PSPC1: variants seen among roughly 807,000 people sequenced by gnomAD.
PSPC1 encodes paraspeckle component 1, also known as paraspeckle protein 1.
Under a neutral mutation model 51.6 loss-of-function variants are expected in PSPC1, and 14 were observed. That is an observed-to-expected ratio of 0.27 (90% CI 0.18 to 0.42). The LOEUF (loss-of-function observed/expected upper bound fraction) is 0.42. PSPC1 is among the 10% of genes least tolerant of loss of function. The pLI, the probability that PSPC1 is intolerant of heterozygous loss-of-function variation, is 1.00. For missense variants in PSPC1, 406 were observed against 701.1 expected (o/e 0.58, Z 4.75); for synonymous variants, 193 against 231.9 (o/e 0.83, Z 1.53).
chr13:19,764,545 G>A (rs910549762), intron 2 of PSPC1, among the ~76,000 whole-genome samples: 2 of 152,036 alleles, frequency 1.3e-5, no homozygotes, highest in Admixed American at 1.3e-4. Flanking sequence ...TAAGGGCTGG[G>A]CAAGGTGGCT....
intron 6 of PSPC1, among the ~76,000 whole-genome samples, chr13:19,717,705 C>CAAAA (rs780984201): frequency 0.021 from 1,490 of 72,176 alleles, 37 homozygotes; most frequent in Admixed American, 0.039. Flanking sequence ...GACTCTGTCT[C>CAAAA]AAAAAAAAAA....
chr13:19,762,139 G>A (rs1301619343), intron 2 of PSPC1, among the ~76,000 whole-genome samples: 1 of 152,178 alleles, frequency 6.6e-6, no homozygotes, highest in African/African-American at 2.4e-5. Context: ...TGCGGGAGAG[G>A]AGAAGTACAG....
intron 6 of PSPC1, among the ~76,000 whole-genome samples, chr13:19,689,481 A>G (rs1878310464): frequency 6.6e-6 from 1 of 152,236 alleles, no homozygotes; most frequent in African/African-American, 2.4e-5. Flanking sequence ...ATACTACTAT[A>G]ATGTGATTAT....
At chr13:19,716,724 T>C (rs1565987721) in intron 6 of PSPC1, among the ~76,000 whole-genome samples, 1 of 152,150 alleles carries the variant, frequency 6.6e-6, no homozygotes, top group Non-Finnish European at 1.5e-5. Flanking sequence ...TTTAATCAAT[T>C]AGGAATATCT....
At chr13:19,680,764 T>G (rs1468693687) in intron 6 of PSPC1, among the ~76,000 whole-genome samples, 1 of 152,102 alleles carries the variant, frequency 6.6e-6, no homozygotes, top group Non-Finnish European at 1.5e-5. Context: ...ACCCACACAT[T>G]AACGGGGGAT....
chr13:19,713,758 A>T (rs1472084661), intron 6 of PSPC1, among the ~76,000 whole-genome samples: 1 of 152,178 alleles, frequency 6.6e-6, no homozygotes, highest in Non-Finnish European at 1.5e-5. Context: ...CCACATGTCA[A>T]AAGAGCATTC....
intron 6 of PSPC1, chr13:19,677,976 A>C (rs1307583196): frequency 3.0e-6 from 1 of 334,568 alleles, no homozygotes; most frequent in Non-Finnish European, 5.9e-6. Flanking sequence ...CCATTCAGTA[A>C]GGATTTTCTT....
At chr13:19,769,947 C>T (rs1888465559) in intron 2 of PSPC1, among the ~76,000 whole-genome samples, 1 of 152,016 alleles carries the variant, frequency 6.6e-6, no homozygotes, top group South Asian at 2.1e-4. Flanking sequence ...CACATGAAAG[C>T]CTAATATTCA....
chr13:19,721,588 T>C (rs977011403), intron 6 of PSPC1, among the ~76,000 whole-genome samples: 1 of 152,190 alleles, frequency 6.6e-6, no homozygotes, highest in Non-Finnish European at 1.5e-5. Flanking sequence ...GTAGAGAATT[T>C]CATTTTCTAA....
chr13:19,743,042 T>TG (rs1055246030), intron 4 of PSPC1, among the ~76,000 whole-genome samples: 3 of 152,188 alleles, frequency 2.0e-5, no homozygotes, highest in South Asian at 2.1e-4. Context: ...ATATCAAGAA[T>TG]GGGGGGGTTC....
At chr13:19,718,356 A>C (rs1412201951) in intron 6 of PSPC1, among the ~76,000 whole-genome samples, 4 of 152,226 alleles carry the variant, frequency 2.6e-5, no homozygotes, top group African/African-American at 9.6e-5. Context: ...TATGATTGTT[A>C]AAATGAAACT....
chr13:19,779,593 T>A (rs868391915), intron 1 of PSPC1, among the ~76,000 whole-genome samples: 1 of 14,880 alleles, frequency 6.7e-5, no homozygotes, highest in African/African-American at 1.9e-4. Context: ...CCGCCCCGTC[T>A]GGGAGGTGAG....
At chr13:19,720,784 T>C (rs751293260) in intron 6 of PSPC1, among the ~76,000 whole-genome samples, 18 of 152,126 alleles carry the variant, frequency 1.2e-4, no homozygotes, top group Non-Finnish European at 1.6e-4. Context: ...TGACACATAG[T>C]GCACAATATA....
At chr13:19,756,416 C>A (rs1044664108) in intron 3 of PSPC1, among the ~76,000 whole-genome samples, 2 of 152,086 alleles carry the variant, frequency 1.3e-5, no homozygotes, top group African/African-American at 4.8e-5. Context: ...TTTGGTGAGC[C>A]AGCCAGGAGG....
chr13:19,691,278 T>C (rs942976774), intron 6 of PSPC1, among the ~76,000 whole-genome samples: 4 of 152,006 alleles, frequency 2.6e-5, no homozygotes, highest in Non-Finnish European at 5.9e-5. Context: ...CCCAGCACTT[T>C]GGGAGGCCAA....
In PSPC1 at chr13:19,764,081, T is replaced by C. The variant is rs144978472; in HGVS notation, c.675-4663A>G. ...TTCAGTGTTCTTTCAGGCTTGAAAA[T>C]ACTAAAATTTAAAGTGTTAATTTAT... On this transcript the variant is annotated intron_variant, in intron 2 of 8. Transcript: ENST00000338910. 4.6e-5 allele frequency among the ~76,000 whole-genome samples: 7 copies of C among 152,088 alleles called. 1 individual carries two copies. In the East Asian group the frequency reaches 1.4e-3, roughly 29 times the overall value.
intron 1 of PSPC1, among the ~76,000 whole-genome samples, chr13:19,781,207 T>G (rs1022906767): frequency 8.6e-5 from 13 of 150,668 alleles, no homozygotes; most frequent in African/African-American, 2.9e-4. Context: ...AGACGGGATC[T>G]CGCTCTGTCG....
intron 1 of PSPC1, among the ~76,000 whole-genome samples, chr13:19,773,436 A>C (rs1888806367): frequency 6.6e-6 from 1 of 151,658 alleles, no homozygotes; most frequent in Non-Finnish European, 1.5e-5. Flanking sequence ...TTTTTAGTAG[A>C]GACGGGGTTT....
chr13:19,677,720 T>C (rs1402845131), intron 7 of PSPC1: 2 of 458,976 alleles, frequency 4.4e-6, no homozygotes, highest in South Asian at 1.6e-5. Context: ...AGATACGGAC[T>C]GACCTGAAAG....
Sources: gnomAD v4.1 joint callset for allele counts (sites outside exome capture counted in the v4.1 genomes callset) on GRCh38, gnomAD v4.1.1 for gene constraint, MANE v1.5 for transcripts, NCBI Gene and HGNC (gene_info 2026-07-23, HGNC 2026-07-21) for gene names.